Variants in RFX3 observed in about 807,000 individuals in gnomAD.
The protein encoded by RFX3 is regulatory factor X3, also known as transcription factor RFX3.
Under a neutral mutation model 98.6 loss-of-function variants are expected in RFX3, and 14 were observed. That is an observed-to-expected ratio of 0.14 (90% CI 0.09 to 0.22). The LOEUF is 0.22. Ranked by LOEUF, RFX3 falls within the 10% of genes least tolerant of loss-of-function variation. RFX3 has a pLI of 1.00. For synonymous variants in RFX3, 383 were observed against 328.4 expected, an observed-to-expected ratio of 1.17 and a Z score of -1.80; for missense variants, 639 against 926.9, an observed-to-expected ratio of 0.69 and a Z score of 4.03.
chr9:3,245,449 A>G (rs897424929), intron 15 of RFX3, among the ~76,000 whole-genome samples: 2 of 152,196 alleles, frequency 1.3e-5, no homozygotes, highest in African/African-American at 4.8e-5. Context: ...TGTTAGTAAC[A>G]CAAGGGAAAG....
intron 1 of RFX3, among the ~76,000 whole-genome samples, chr9:3,412,524 G>C (rs1369030495): frequency 6.6e-6 from 1 of 152,014 alleles, no homozygotes; most frequent in African/African-American, 2.4e-5. Flanking sequence ...TTCTTCTTGA[G>C]AGGGCTCTAA....
intron 1 of RFX3, among the ~76,000 whole-genome samples, chr9:3,511,492 G>C (rs1398672554): frequency 1.3e-5 from 2 of 151,962 alleles, no homozygotes; most frequent in Non-Finnish European, 2.9e-5. Context: ...AAACTGCTTT[G>C]AGTGATATCA....
At chr9:3,389,408 TG>T (rs1264682566) in intron 2 of RFX3, among the ~76,000 whole-genome samples, 10 of 152,236 alleles carry the variant, frequency 6.6e-5, no homozygotes, top group South Asian at 4.1e-4. Context: ...GATGATAGGA[TG>T]GGTAATATCA....
intron 2 of RFX3, among the ~76,000 whole-genome samples, chr9:3,388,737 A>G (rs765109097): frequency 6.6e-6 from 1 of 152,168 alleles, no homozygotes; most frequent in African/African-American, 2.4e-5. Context: ...GGTAAAGACT[A>G]CAATTTCTAA....
intron 1 of RFX3, among the ~76,000 whole-genome samples, chr9:3,499,644 G>T (rs1815762095): frequency 6.6e-6 from 1 of 151,998 alleles, no homozygotes; most frequent in Admixed American, 6.6e-5. Flanking sequence ...TTAAGGGACA[G>T]CTTCTGATTC....
At chr9:3,415,170 C>T (rs1290784410) in intron 1 of RFX3, among the ~76,000 whole-genome samples, 1 of 126,352 alleles carries the variant, frequency 7.9e-6, no homozygotes, top group Non-Finnish European at 1.6e-5. Flanking sequence ...TATATATATA[C>T]TTATATATAT....
chr9:3,414,931 T>C (rs1046039648), intron 1 of RFX3, among the ~76,000 whole-genome samples: 1 of 137,924 alleles, frequency 7.3e-6, no homozygotes, highest in African/African-American at 2.6e-5. Flanking sequence ...CTCATATGTG[T>C]GTATATATAT....
At chr9:3,354,064 A>T (rs1006032816) in intron 2 of RFX3, among the ~76,000 whole-genome samples, 2 of 152,084 alleles carry the variant, frequency 1.3e-5, no homozygotes, top group Non-Finnish European at 2.9e-5. Context: ...CAGACAATAC[A>T]ATGAAAATGT....
intron 1 of RFX3, among the ~76,000 whole-genome samples, chr9:3,422,528 C>G (rs962573264): frequency 6.6e-6 from 1 of 152,192 alleles, no homozygotes; most frequent in Non-Finnish European, 1.5e-5. Flanking sequence ...TTAGAAGCAA[C>G]TCTTTTCTAC....
In RFX3 at chr9:3,247,771, T is replaced by C. The variant is rs749094330; in HGVS notation, c.1968+261A>G. ...ATTCCAGTGGTTCTCAAGTTTTTCT[T>C]TTACATAGGTACCTGTATAATATAG... On this transcript the variant is annotated intron_variant, in intron 15 of 16. Transcript: ENST00000617270. The C allele has an allele frequency of 1.6e-5, 25 of 1,583,360 alleles. No individual in the cohort carries two copies. The Admixed American group carries it at 2.2e-4, about 14-fold the overall frequency.
At position 3,245,488 on chromosome 9, in the gene RFX3, C is replaced by T. The variant is rs551397409; in HGVS notation, c.1968+2544G>A. On this transcript the variant is annotated intron_variant, in intron 15 of 16. Coordinates refer to ENST00000617270, the MANE Select transcript of RFX3 (RefSeq NM_001282116.2). ...CTGAAGGGTTTCAAGTGGGGGATGACACAGTCAGCTTTGCATTTTCACAAG... is the reference window on the plus strand; with the variant it reads ...CTGAAGGGTTTCAAGTGGGGGATGATACAGTCAGCTTTGCATTTTCACAAG... Among the ~76,000 whole-genome samples the T allele has an allele frequency of 3.3e-5, 5 of 152,206 alleles. No homozygotes were observed. In the East Asian group the frequency reaches 9.7e-4, roughly 29 times the overall value.
intron 5 of RFX3, among the ~76,000 whole-genome samples, chr9:3,298,374 A>C (rs1406848211): frequency 2.0e-5 from 3 of 151,880 alleles, no homozygotes; most frequent in Non-Finnish European, 2.9e-5. Flanking sequence ...GCAAACTTGA[A>C]AAGAAACAAT....
At position 3,415,580 on chromosome 9, in the gene RFX3, G is replaced by A. The variant is rs57204837; in HGVS notation, c.-8-19984C>T. Among the ~76,000 whole-genome samples, 78 of 152,156 alleles carry A rather than the reference G, an allele frequency of 5.1e-4. No individual in the cohort carries two copies. In the East Asian group the frequency reaches 0.015, roughly 29 times the overall value. On this transcript the variant is annotated intron_variant, in intron 1 of 16. Transcript: ENST00000617270. ...AGAAGAGGAAAGCATTAACTTCCTT[G>A]GCTATCTCTTCTTTCTTCTCTCCTC...
At chr9:3,262,492 T>C (rs1290697565) in intron 13 of RFX3, among the ~76,000 whole-genome samples, 2 of 152,170 alleles carry the variant, frequency 1.3e-5, no homozygotes, top group African/African-American at 4.8e-5. Context: ...GGCAACAAAA[T>C]AGAAATATCT....
chr9:3,481,614 A>G (rs778344595), intron 1 of RFX3, among the ~76,000 whole-genome samples: 4 of 152,032 alleles, frequency 2.6e-5, no homozygotes, highest in Non-Finnish European at 5.9e-5. Flanking sequence ...CACTAAAACA[A>G]AAAGAATCAT....
At chr9:3,481,162 T>C (rs902457132) in intron 1 of RFX3, among the ~76,000 whole-genome samples, 8 of 152,110 alleles carry the variant, frequency 5.3e-5, no homozygotes, top group African/African-American at 1.9e-4. Context: ...TATCCCTCAT[T>C]TACAAATAAA....
chr9:3,489,716 A>T (rs2133483065), intron 1 of RFX3, among the ~76,000 whole-genome samples: 1 of 152,318 alleles, frequency 6.6e-6, no homozygotes, highest in African/African-American at 2.4e-5. Flanking sequence ...AGAATGACAA[A>T]CCCATACATC....
At chr9:3,233,373 G>A (rs1818735306) in intron 15 of RFX3, among the ~76,000 whole-genome samples, 1 of 152,216 alleles carries the variant, frequency 6.6e-6, no homozygotes, top group Admixed American at 6.5e-5. Flanking sequence ...CAGCGTGGGA[G>A]AATGCAGCCC....
At chr9:3,471,195 A>G (rs1848743909) in intron 1 of RFX3, among the ~76,000 whole-genome samples, 1 of 152,180 alleles carries the variant, frequency 6.6e-6, no homozygotes, top group East Asian at 1.9e-4. Flanking sequence ...ACCCTTATAT[A>G]TATTAGATGC....
Sources: allele counts gnomAD v4.1 joint callset (sites outside exome capture counted in the v4.1 genomes callset), GRCh38; gene constraint gnomAD v4.1.1; transcripts MANE v1.5; gene names NCBI Gene and HGNC (gene_info 2026-07-23, HGNC 2026-07-21).